The following DEK variants were observed in gnomAD, a reference collection of about 807,000 sequenced individuals.
The protein encoded by DEK is DEK proto-oncogene, also known as protein DEK.
A neutral mutation model predicts 46.8 loss-of-function variants in DEK; 28 were observed. The ratio of observed to expected loss-of-function variants is 0.60; its 90% CI spans 0.44 to 0.82. DEK has a LOEUF of 0.82. Ranked by LOEUF, DEK falls within the 40% of genes least tolerant of loss-of-function variation. The pLI is 0.00. For missense variants in DEK, 416 were observed against 430.6 expected (o/e 0.97, Z 0.30); for synonymous variants, 160 against 144.5 (o/e 1.11, Z -0.77).
chr6:18,254,786 G>A (rs1264486932), intron 6 of DEK, among the ~76,000 whole-genome samples: 2 of 152,096 alleles, frequency 1.3e-5, no homozygotes, highest in East Asian at 3.8e-4. Context: ...AAAATAAGAA[G>A]TATTTTGTCT....
intron 9 of DEK, among the ~76,000 whole-genome samples, chr6:18,234,086 G>A (rs1305828660): frequency 6.7e-6 from 1 of 149,574 alleles, no homozygotes; most frequent in Non-Finnish European, 1.5e-5. Context: ...CTATCGCAAG[G>A]ACAGAAAACC....
chr6:18,238,393 A>G (rs761905116), intron 7 of DEK, among the ~76,000 whole-genome samples: 9 of 152,064 alleles, frequency 5.9e-5, no homozygotes, highest in African/African-American at 1.2e-4. Flanking sequence ...CAAAATACAT[A>G]AATATGGATA....
chr6:18,254,102 G>A (rs949292071), intron 6 of DEK, among the ~76,000 whole-genome samples: 4 of 152,144 alleles, frequency 2.6e-5, no homozygotes, highest in Non-Finnish European at 4.4e-5. Context: ...AGGCCGAGGC[G>A]GTCAGATCAC....
intron 2 of DEK, among the ~76,000 whole-genome samples, chr6:18,262,809 C>T (rs1393723476): frequency 6.6e-6 from 1 of 152,160 alleles, no homozygotes; most frequent in Non-Finnish European, 1.5e-5. Flanking sequence ...TATGTGAAAA[C>T]TTATATTTAA....
chr6:18,244,082 TACTC>T (rs1219190901), intron 7 of DEK, among the ~76,000 whole-genome samples: 1 of 152,194 alleles, frequency 6.6e-6, no homozygotes, highest in Non-Finnish European at 1.5e-5. Flanking sequence ...ATGTTGAAAA[TACTC>T]ACAATGGTTA....
At chr6:18,232,816 C>G (rs879756384) in intron 9 of DEK, among the ~76,000 whole-genome samples, 15 of 152,284 alleles carry the variant, frequency 9.9e-5, no homozygotes, top group Middle Eastern at 3.4e-3. Flanking sequence ...CCCCATCAAG[C>G]TACCAATCAC....
chr6:18,258,391 C>G lies in DEK; in HGVS notation c.160G>C (p.Val54Leu), dbSNP rs772214049. Residue 54 changes from valine (V) to leucine (L), a missense_variant, in exon 3 of 11, where the codon GTG becomes CTG. Physicochemically the swap from Val to Leu is conservative, Grantham distance 32 (BLOSUM62 1). Transcript: ENST00000652689. ...EEEEKEKSLI[V>L]EGKREKKKVE... The stretch of plus-strand genomic sequence containing the variant: ...TTTTTCTTTTCCCTCTTGCCTTCCA[C>G]GATGAGACTCTTTTCTAGAAATTAA... The G allele has an allele frequency of 1.4e-5, 22 of 1,611,024 alleles. No individual in the cohort carries two copies. The highest frequency in any genetic ancestry group is 4.2e-6 in the Non-Finnish European group (5 of 1,178,268).
At chr6:18,252,096 CAAATA>C (rs1351092477) in intron 6 of DEK, among the ~76,000 whole-genome samples, 2 of 151,904 alleles carry the variant, frequency 1.3e-5, no homozygotes, top group African/African-American at 2.4e-5. Flanking sequence ...ATCTGATTAA[CAAATA>C]AAATAAGGTA....
intron 9 of DEK, among the ~76,000 whole-genome samples, chr6:18,235,521 C>T (rs778401256): frequency 1.3e-5 from 2 of 152,192 alleles, no homozygotes; most frequent in African/African-American, 2.4e-5. Context: ...ACTGCAGTAC[C>T]TTCCATATTC....
intron 7 of DEK, among the ~76,000 whole-genome samples, chr6:18,245,649 T>C (rs1185352638): frequency 2.0e-5 from 3 of 152,250 alleles, no homozygotes; most frequent in Admixed American, 6.5e-5. Context: ...TTCTCCAATA[T>C]GTACTATTTC....
chr6:18,245,617 C>G (rs1791079839), intron 7 of DEK, among the ~76,000 whole-genome samples: 1 of 152,226 alleles, frequency 6.6e-6, no homozygotes, highest in Non-Finnish European at 1.5e-5. Context: ...TTTAAAGAGT[C>G]TAAAAGACTG....
chr6:18,236,401 G>T, intron 9 of DEK, 51 bp downstream of exon 9: 2 of 1,577,130 alleles, frequency 1.3e-6, no homozygotes, highest in Non-Finnish European at 1.7e-6. Context: ...AGAGATAAGT[G>T]AAAGAATTTT....
At chr6:18,264,085 G>T in intron 1 of DEK, 89 bp from the exon 2 acceptor site, 1 of 1,216,008 alleles carries the variant, frequency 8.2e-7, no homozygotes, top group Non-Finnish European at 1.1e-6. Flanking sequence ...TACCCTTCCC[G>T]CGGGACACCT....
intron 9 of DEK, among the ~76,000 whole-genome samples, chr6:18,229,943 G>C (rs1007911293): frequency 6.6e-6 from 1 of 152,302 alleles, no homozygotes; most frequent in Non-Finnish European, 1.5e-5. Context: ...CACCAAAGCT[G>C]AAATGAAGGA....
Sources: gnomAD v4.1 joint callset for allele counts (sites outside exome capture counted in the v4.1 genomes callset) on GRCh38, gnomAD v4.1.1 for gene constraint, MANE v1.5 for transcripts, NCBI Gene and HGNC (gene_info 2026-07-23, HGNC 2026-07-21) for gene names.